Variants in GP6 observed in about 807,000 individuals in gnomAD.
The protein encoded by GP6 is platelet glycoprotein VI.
In GP6, 45 loss-of-function variants were observed where a neutral mutation model predicts 37.3. The ratio of observed to expected loss-of-function variants is 1.21; its 90% CI spans 0.95 to 1.55. The LOEUF is 1.55. Among genes scored for constraint, GP6 ranks in the 40% most tolerant of loss-of-function variants. The pLI is 0.00. For missense variants in GP6, 813 were observed against 760.2 expected (o/e 1.07, Z -0.82); for synonymous variants, 340 against 316.4 (o/e 1.07, Z -0.79).
intron 1 of GP6, among the ~76,000 whole-genome samples, chr19:55,033,377 GGTGGACTCGTTCGTGTTGTGTTAGACA>G (rs2074680248): frequency 8.2e-6 from 1 of 122,424 alleles, no homozygotes; most frequent in East Asian, 2.7e-4. Context: ...TGTTAGACAC[GGTGGACTCGTTCGTGTTGTGTTAGACA>G]CGGTGGGCTC....
chr19:55,029,244 A>ATTTGTTTTGT (rs143221654), intron 3 of GP6, among the ~76,000 whole-genome samples: 49 of 131,102 alleles, frequency 3.7e-4, no homozygotes, highest in Admixed American at 1.0e-3. Flanking sequence ...TTGTTGTTTC[A>ATTTGTTTTGT]TTTGTTTTGT....
intron 3 of GP6, among the ~76,000 whole-genome samples, chr19:55,029,008 G>GCCATCCCGGCTAA (rs1568626773): frequency 6.7e-6 from 1 of 149,278 alleles, no homozygotes; most frequent in African/African-American, 2.5e-5. Context: ...AAAAGACAGA[G>GCCATCCCGGCTAA]AGAGAAAGCA....
intron 1 of GP6, among the ~76,000 whole-genome samples, chr19:55,037,551 G>GGCC (rs2074879151): frequency 6.7e-6 from 1 of 150,102 alleles, no homozygotes; most frequent in Non-Finnish European, 1.5e-5. Context: ...TGGTCAGGCT[G>GGCC]GTCTCAAACT....
intron 7 of GP6, 143 bp downstream of exon 7, chr19:55,015,540 A>AC: frequency 1.4e-6 from 1 of 693,492 alleles, no homozygotes; most frequent in South Asian, 1.6e-5. Flanking sequence ...CCAATTCTGA[A>AC]CCCCATACGC....
At chr19:55,031,311 C>A (rs911579072) in intron 3 of GP6, among the ~76,000 whole-genome samples, 1 of 152,178 alleles carries the variant, frequency 6.6e-6, no homozygotes, top group African/African-American at 2.4e-5. Flanking sequence ...TGGCCCGTGA[C>A]CGTAGTCCCT....
intron 3 of GP6, among the ~76,000 whole-genome samples, chr19:55,031,870 G>T (rs2074569850): frequency 6.6e-6 from 1 of 152,108 alleles, no homozygotes; most frequent in African/African-American, 2.4e-5. Context: ...CTACTTGGAG[G>T]GCTGAGGCGG....
chr19:55,021,201 GAAA>G (rs71181727), intron 5 of GP6, among the ~76,000 whole-genome samples: 4 of 127,416 alleles, frequency 3.1e-5, no homozygotes, highest in African/African-American at 5.9e-5. Flanking sequence ...TCTACTAAAA[GAAA>G]AAAAAAAAAA....
In GP6 at chr19:55,014,658, C is replaced by T. The variant is rs74697203; in HGVS notation, c.1287G>A (p.Trp429Ter). 3,378 of 1,614,062 alleles carry T rather than the reference C, an allele frequency of 2.1e-3. 63 individuals are homozygous for T. In the African/African-American group the frequency reaches 0.037, roughly 18 times the overall value. ...TGGTCCAGCCAGGGTACCATGTCAT[C>T]CACAGTGTGCAGGGAGGAGGATGGG... Residue 429 changes from tryptophan to a stop codon, truncating the protein, a stop_gained, in exon 8 of 8, where the codon TGG (tryptophan) becomes TGA (stop). Coordinates refer to ENST00000310373, the MANE Select transcript of GP6 (RefSeq NM_001083899.2). LOFTEE classifies it low-confidence loss of function (END_TRUNC).
intron 5 of GP6, among the ~76,000 whole-genome samples, chr19:55,019,834 C>T (rs892091039): frequency 5.3e-5 from 8 of 152,126 alleles, no homozygotes; most frequent in Admixed American, 2.0e-4. Context: ...CCCGCCACCA[C>T]GCCTGGCTAA....
At position 55,014,140 on chromosome 19, in the gene GP6, G is replaced by C. The variant is rs2886416; in HGVS notation, c.1805C>G (p.Thr602Arg). 2.9e-6 allele frequency: 2 copies of C among 694,638 alleles called. No individual in the cohort carries two copies. The highest frequency in any genetic ancestry group is 3.5e-5 in the African/African-American group (2 of 57,064). The allele number at this position is 694,638 out of a possible 1,614,324, so 43.0% of individuals were successfully genotyped here. ...ATTTTTTGAGACAAAGTCAGGCTTCGTCACCCGAGCTAGAGTGCAGTGGTG... is the reference window on the plus strand; with the variant it reads ...ATTTTTTGAGACAAAGTCAGGCTTCCTCACCCGAGCTAGAGTGCAGTGGTG... Residue 602 changes from threonine to arginine, a missense_variant, in exon 8 of 8, where the codon ACG becomes AGG. Thr to Arg is a moderately conservative substitution (Grantham distance 71, BLOSUM62 -1). Transcript: ENST00000310373.
At chr19:55,026,945 C>T (rs556872124) in intron 4 of GP6, among the ~76,000 whole-genome samples, 288 of 150,492 alleles carry the variant, frequency 1.9e-3, no homozygotes, top group African/African-American at 7.0e-3. Flanking sequence ...TTCCTGCCCT[C>T]CCACTTCCTT....
chr19:55,025,998 CCCAAAAAAAAAAA>C (rs2074286913), intron 4 of GP6, among the ~76,000 whole-genome samples: 1 of 128,344 alleles, frequency 7.8e-6, no homozygotes, highest in Non-Finnish European at 1.6e-5. Context: ...TGAGACTCCC[CCCAAAAAAAAAAA>C]AAAAAAAAAA....
chr19:55,028,532 G>A (rs1410405519), intron 3 of GP6, among the ~76,000 whole-genome samples: 1 of 152,192 alleles, frequency 6.6e-6, no homozygotes, highest in African/African-American at 2.4e-5. Context: ...ACTGTGTCAG[G>A]TGATGTATGT....
intron 5 of GP6, among the ~76,000 whole-genome samples, chr19:55,021,742 G>A (rs1286118357): frequency 2.0e-5 from 3 of 152,022 alleles, no homozygotes; most frequent in East Asian, 2.0e-4. Flanking sequence ...GGATGGTCTC[G>A]ATCTCCTGAC....
At chr19:55,017,179 T>TGATCTCA (rs1268651856) in intron 6 of GP6, among the ~76,000 whole-genome samples, 1 of 151,224 alleles carries the variant, frequency 6.6e-6, no homozygotes, top group Non-Finnish European at 1.5e-5. Context: ...TGCTGTGGTG[T>TGATCTCA]GATCTCAGGT....
At position 55,014,391 on chromosome 19, in the gene GP6, T is replaced by C; in HGVS notation, c.1554A>G (p.Ser518=). The C allele has an allele frequency of 6.2e-7, 1 of 1,613,790 alleles. No homozygotes were observed. Among genetic ancestry groups the C allele is most frequent in the South Asian group, 1.1e-5 (1 of 91,082 alleles). ...CTAGTTTTACACTAAGGAAAATGAA[T>C]GACATACCCAAACTGCCTGCAAGAC... The change falls in exon 8 of 8, where the codon TCA becomes TCG. Residue 518 remains serine (S), a synonymous_variant. Coordinates refer to ENST00000310373, the MANE Select transcript of GP6 (RefSeq NM_001083899.2).
intron 6 of GP6, among the ~76,000 whole-genome samples, chr19:55,016,973 G>GAGATCGCAGAGTGAGCCGAAATCAC (rs1456025431): frequency 6.6e-6 from 1 of 152,054 alleles, no homozygotes; most frequent in Admixed American, 6.5e-5. Context: ...GCAGTGAGCT[G>GAGATCGCAGAGTGAGCCGAAATCAC]AGATCGCAGA....
At chr19:55,024,309 T>TGCACGCACACGCACATGCATGCACAC (rs1357661954) in intron 5 of GP6, among the ~76,000 whole-genome samples, 2 of 130,056 alleles carry the variant, frequency 1.5e-5, no homozygotes, top group East Asian at 2.2e-4. Context: ...TGCACACACA[T>TGCACGCACACGCACATGCATGCACAC]ATGCACGCAC....
rs775164410 is a variant in GP6, at chr19:55,027,853, G to T, written c.335C>A (p.Ala112Asp). The change falls in exon 4 of 8, where the codon GCC becomes GAC. Residue 112 changes from alanine to aspartate, a missense_variant. By Grantham distance (126) the Ala-to-Asp change is moderately radical (BLOSUM62 -2). Coordinates refer to ENST00000310373, the MANE Select transcript of GP6 (RefSeq NM_001083899.2). ...GGGCTGGGCTGAGAGCGAGGGTTTG[G>T]CAAAAACTCCTGGGAGAAAAAGAAA... 2 of 1,614,132 alleles carry T rather than the reference G, an allele frequency of 1.2e-6. No homozygotes were observed. The highest frequency in any genetic ancestry group is 1.7e-6 in the Non-Finnish European group (2 of 1,179,986).
Sources: gnomAD v4.1 joint callset for allele counts (sites outside exome capture counted in the v4.1 genomes callset) on GRCh38, gnomAD v4.1.1 for gene constraint, MANE v1.5 for transcripts, NCBI Gene and HGNC (gene_info 2026-07-23, HGNC 2026-07-21) for gene names.